The following CORO2B variants were observed in gnomAD, a reference collection of about 807,000 sequenced individuals.
The protein encoded by CORO2B is coronin-2B.
A neutral mutation model predicts 58.8 loss-of-function variants in CORO2B; 26 were observed. The observed-to-expected ratio is 0.44, with a 90% CI of 0.32 to 0.61. CORO2B has a LOEUF of 0.61. Ranked by LOEUF, CORO2B falls within the 20% of genes least tolerant of loss-of-function variation. The pLI is 0.04. For missense variants in CORO2B, 460 were observed against 645.1 expected (o/e 0.71, Z 3.11); for synonymous variants, 242 against 253.8 (o/e 0.95, Z 0.44).
chr15:68,531,636 G>GGAAA, the CORO2B span, among the ~76,000 whole-genome samples: 31,885 of 140,804 alleles, frequency 0.23, 3,868 homozygotes, highest in Middle Eastern at 0.3. Context: ...AAAGAAAGAA[G>GGAAA]GAAAGAAAGA....
intron 2 of CORO2B, among the ~76,000 whole-genome samples, chr15:68,692,049 G>A (rs566342925): frequency 3.7e-4 from 56 of 152,334 alleles, no homozygotes; most frequent in African/African-American, 1.3e-3. Context: ...CCCATGAAAA[G>A]TCTGAGCTGC....
chr15:68,712,175 G>A (rs1331490051), intron 5 of CORO2B, among the ~76,000 whole-genome samples: 1 of 152,140 alleles, frequency 6.6e-6, no homozygotes, highest in Non-Finnish European at 1.5e-5. Flanking sequence ...TTGAGGAAGG[G>A]GTTAAGTGCC....
chr15:68,624,773 A>G (rs1441957384), intron 1 of CORO2B, among the ~76,000 whole-genome samples: 1 of 151,670 alleles, frequency 6.6e-6, no homozygotes, highest in Non-Finnish European at 1.5e-5. Context: ...GCTCACTGCA[A>G]CCTCCATCTC....
intron 1 of CORO2B, among the ~76,000 whole-genome samples, chr15:68,582,095 CCTCT>C (rs1899440920): frequency 6.6e-6 from 1 of 152,164 alleles, no homozygotes; most frequent in Non-Finnish European, 1.5e-5. Context: ...CCATTTTCCG[CCTCT>C]CTTTCATACA....
chr15:68,521,605 T>C, the CORO2B span, among the ~76,000 whole-genome samples: 1 of 152,078 alleles, frequency 6.6e-6, no homozygotes, highest in Non-Finnish European at 1.5e-5. Flanking sequence ...GCATACACTT[T>C]GAAAGTTTTT....
chr15:68,540,231 G>C, the CORO2B span, among the ~76,000 whole-genome samples: 1 of 152,150 alleles, frequency 6.6e-6, no homozygotes, highest in Admixed American at 6.5e-5. Context: ...GAATTATGTA[G>C]ATCTTCCAAA....
chr15:68,545,612 C>CGG, the CORO2B span, among the ~76,000 whole-genome samples: 13,109 of 53,466 alleles, frequency 0.25, 1,161 homozygotes, highest in Admixed American at 0.3. Flanking sequence ...ATGCGGGGGG[C>CGG]GGGGGGGGTA....
chr15:68,610,743 TTC>T (rs1033376196), intron 1 of CORO2B, among the ~76,000 whole-genome samples: 10 of 152,182 alleles, frequency 6.6e-5, no homozygotes, highest in African/African-American at 2.4e-4. Flanking sequence ...GTCAAATAAT[TTC>T]TGTTTCTGTG....
the CORO2B span, among the ~76,000 whole-genome samples, chr15:68,542,536 T>A: frequency 6.6e-6 from 1 of 152,352 alleles, no homozygotes; most frequent in East Asian, 1.9e-4. Context: ...ATAGGCTAGG[T>A]TAAGCTGTGC....
the CORO2B span, among the ~76,000 whole-genome samples, chr15:68,531,647 A>G: frequency 6.6e-6 from 1 of 151,714 alleles, no homozygotes; most frequent in African/African-American, 2.4e-5. Context: ...GAAAGAAAGA[A>G]AGAAAGAGGG....
chr15:68,715,606 T>G (rs1893014684), intron 8 of CORO2B, among the ~76,000 whole-genome samples: 1 of 152,212 alleles, frequency 6.6e-6, no homozygotes, highest in Non-Finnish European at 1.5e-5. Flanking sequence ...GCTATGATGA[T>G]GGTGGGAAGT....
the CORO2B span, among the ~76,000 whole-genome samples, chr15:68,563,727 G>GA: frequency 6.6e-6 from 1 of 151,734 alleles, no homozygotes. Flanking sequence ...CTTACAGAAA[G>GA]AAAAAAGATT....
chr15:68,685,958 G>A (rs16952380), intron 2 of CORO2B, among the ~76,000 whole-genome samples: 3,541 of 150,450 alleles, frequency 0.024, 139 homozygotes, highest in African/African-American at 0.079. Flanking sequence ...AAGGGGCTTC[G>A]CAACTGAGCT....
intron 1 of CORO2B, among the ~76,000 whole-genome samples, chr15:68,579,617 T>G (rs2140552463): frequency 6.6e-6 from 1 of 152,026 alleles, no homozygotes; most frequent in East Asian, 2.0e-4. Flanking sequence ...CTCCAGGGAG[T>G]GCGCGGCGGG....
At chr15:68,618,833 C>A (rs935442364) in intron 1 of CORO2B, among the ~76,000 whole-genome samples, 1 of 152,160 alleles carries the variant, frequency 6.6e-6, no homozygotes, top group African/African-American at 2.4e-5. Context: ...CCTAAAAATA[C>A]TTTGAGCTAG....
the CORO2B span, among the ~76,000 whole-genome samples, chr15:68,528,195 AT>A: frequency 6.6e-6 from 1 of 152,148 alleles, no homozygotes; most frequent in Non-Finnish European, 1.5e-5. Context: ...ATAAAAGCAG[AT>A]ATTTTGTCTT....
At chr15:68,521,322 A>G in the CORO2B span, among the ~76,000 whole-genome samples, 402 of 152,332 alleles carry the variant, frequency 2.6e-3, 3 homozygotes, top group African/African-American at 9.4e-3. Flanking sequence ...ACTTTTTAGA[A>G]TCTAATATAA....
At chr15:68,718,325 C>T (rs1257913682) in intron 8 of CORO2B, among the ~76,000 whole-genome samples, 1 of 152,186 alleles carries the variant, frequency 6.6e-6, no homozygotes, top group Non-Finnish European at 1.5e-5. Context: ...GGGTAATGGG[C>T]TCTGTGGCCC....
chr15:68,577,651 G>A (rs185371013), upstream of CORO2B, among the ~76,000 whole-genome samples: 1 of 150,828 alleles, frequency 6.6e-6, no homozygotes, highest in African/African-American at 2.4e-5. Flanking sequence ...AATCCAGGAG[G>A]CGGAGGTTGC....
Sources: gnomAD v4.1 joint callset for allele counts (sites outside exome capture counted in the v4.1 genomes callset) on GRCh38, gnomAD v4.1.1 for gene constraint, MANE v1.5 for transcripts, NCBI Gene and HGNC (gene_info 2026-07-23, HGNC 2026-07-21) for gene names.